The following ANOS1 variants were observed in gnomAD, a reference collection of about 807,000 sequenced individuals.
The protein encoded by ANOS1 is anosmin-1.
Under a neutral mutation model 59.0 loss-of-function variants are expected in ANOS1, and 6 were observed. The ratio of observed to expected loss-of-function variants is 0.10; its 90% confidence interval spans 0.06 to 0.20. The LOEUF (loss-of-function observed/expected upper bound fraction) is 0.20. ANOS1 is among the 10% of genes least tolerant of loss of function. The probability of loss-of-function intolerance (pLI) is 1.00; values close to 1 mark genes in which losing one functional copy is unlikely to be tolerated. For synonymous variants in ANOS1, 217 were observed against 223.4 expected (o/e 0.97, Z 0.25); for missense variants, 433 against 542.3 (o/e 0.80, Z 2.00).
At chrX:8,553,131 AAAGAT>A (rs1208045829) in intron 9 of ANOS1, among the ~76,000 whole-genome samples, 6 of 110,273 alleles carry the variant, frequency 5.4e-5, no homozygotes, top group South Asian at 7.6e-4. Flanking sequence ...TAAGAGTGAT[AAAGAT>A]AAAAGACTGT....
rs757532758 is a variant in ANOS1, at chrX:8,682,354, C to CCACACA, written c.255+17338_255+17343dup. ...CTTTTTTCGGAAAACGAGAATTTCA[C>CCACACA]CACACACACACACACACACACACAT... On this transcript the variant is annotated intron_variant, in intron 2 of 13. Coordinates refer to ENST00000262648, the MANE Select transcript of ANOS1 (RefSeq NM_000216.4). Among the ~76,000 whole-genome samples, 619 of 101,617 alleles carry CCACACA rather than the reference C, an allele frequency of 6.1e-3. 5 individuals are homozygous for CCACACA. The highest frequency in any genetic ancestry group is 0.021 in the African/African-American group (585 of 27,309). The allele number at this position is 101,617 out of a possible 115,157, so 88.2% of individuals were successfully genotyped here.
At chrX:8,587,606 G>A (rs1930540461) in intron 5 of ANOS1, among the ~76,000 whole-genome samples, 188 bp downstream of exon 5, 1 of 111,619 alleles carries the variant, frequency 9.0e-6, no homozygotes, top group Non-Finnish European at 1.9e-5. Flanking sequence ...TCGAGTTTCC[G>A]AGCACATTCG....
chrX:8,625,066 G>A (rs1931368754), intron 2 of ANOS1, among the ~76,000 whole-genome samples: 1 of 110,406 alleles, frequency 9.1e-6, no homozygotes, highest in Non-Finnish European at 1.9e-5. Context: ...CCGAGATCGG[G>A]CCACTGCACT....
chrX:8,676,541 T>C (rs1932340230), intron 2 of ANOS1, among the ~76,000 whole-genome samples: 1 of 111,930 alleles, frequency 8.9e-6, no homozygotes, highest in Admixed American at 9.5e-5. Flanking sequence ...TAATGAGATG[T>C]CCCCATAAAA....
intron 4 of ANOS1, among the ~76,000 whole-genome samples, chrX:8,594,966 T>C (rs1930708040): frequency 9.3e-6 from 1 of 107,436 alleles, no homozygotes; most frequent in African/African-American, 3.4e-5. Context: ...CCTGGTTTCG[T>C]TAAACGTAGT....
intron 2 of ANOS1, among the ~76,000 whole-genome samples, chrX:8,698,637 C>G: frequency 9.0e-6 from 1 of 111,375 alleles, no homozygotes. Context: ...GTAAGTGGAC[C>G]GTAACCAGGC....
rs146645473 is a variant in ANOS1 at position 8,570,371 on chromosome X, G to A, written c.1062+128C>T. 8,970 of 590,761 alleles carry A rather than the reference G, an allele frequency of 0.015. 78 individuals are homozygous for A. Among genetic ancestry groups the A allele is most frequent in the Non-Finnish European group, 0.018 (6,254 of 351,902 alleles). 48.7% of individuals were successfully genotyped at this position (590,761 alleles called of 1,213,427 possible). A position where few individuals can be genotyped will look rare whatever the true frequency, so the allele number is the denominator to read the frequency against. ...TTCTGTGAACTTCCTCGGTAGAAAT[G>A]AATGGGAGGGAAGCTTTCCTGCATC... On this transcript the variant is annotated intron_variant, in intron 7 of 13. Coordinates refer to ENST00000262648, the MANE Select transcript of ANOS1 (RefSeq NM_000216.4).
chrX:8,728,863 G>A (rs749165621), intron 1 of ANOS1, among the ~76,000 whole-genome samples: 3 of 111,722 alleles, frequency 2.7e-5, no homozygotes, highest in Non-Finnish European at 3.8e-5. Context: ...TGAGTCCCTT[G>A]TGTTTTTGGG....
chrX:8,546,698 A>G (rs1601948738), intron 9 of ANOS1, among the ~76,000 whole-genome samples: 1 of 111,862 alleles, frequency 8.9e-6, no homozygotes, highest in African/African-American at 3.3e-5. Flanking sequence ...AGTTATCTCA[A>G]ATTCGACACA....
At chrX:8,560,980 T>C (rs1460956660) in intron 8 of ANOS1, among the ~76,000 whole-genome samples, 1 of 112,306 alleles carries the variant, frequency 8.9e-6, no homozygotes, top group African/African-American at 3.2e-5. Flanking sequence ...CTATAAACAA[T>C]GTGTTATCGA....
intron 2 of ANOS1, among the ~76,000 whole-genome samples, chrX:8,664,129 C>T (rs1486656080): frequency 8.9e-6 from 1 of 112,036 alleles, no homozygotes; most frequent in Admixed American, 9.4e-5. Flanking sequence ...CATCATGGCA[C>T]ATGTTTACCT....
chrX:8,649,736 C>T (rs1428959456), intron 2 of ANOS1, among the ~76,000 whole-genome samples: 1 of 111,600 alleles, frequency 9.0e-6, no homozygotes, highest in Non-Finnish European at 1.9e-5. Flanking sequence ...CAAATTTTGC[C>T]TGCATAAAAT....
rs752945587 is a variant in ANOS1 at position 8,717,487 on chromosome X, A to G, written c.207+14343T>C. 1.4e-3 allele frequency among the ~76,000 whole-genome samples: 160 copies of G among 111,654 alleles called. 1 individual carries two copies. The highest frequency in any genetic ancestry group is 4.1e-3 in the Admixed American group (43 of 10,473). On this transcript the variant is annotated intron_variant, in intron 1 of 13. Transcript: ENST00000262648. ...GGATACAAAAATGTGGAAACAACAA[A>G]AACAACCAAAAGATGTTCTCTACTT...
intron 1 of ANOS1, among the ~76,000 whole-genome samples, chrX:8,703,938 C>G (rs1932768495): frequency 2.7e-5 from 3 of 111,640 alleles, no homozygotes; most frequent in Admixed American, 9.5e-5. Context: ...GTGTTCCCAC[C>G]CAAATCTCAT....
At position 8,532,917 on chromosome X, in the gene ANOS1, T is replaced by C. The variant is rs1210118317; in HGVS notation, c.*78A>G. On this transcript the variant is annotated 3_prime_UTR_variant, in exon 14 of 14. Transcript: ENST00000262648. ...GCCTCTGAGCAGTTCCCACTGCCTCTGGAAGTGTGCATGTCTCGTGGCCGA... is the reference window on the plus strand; with the variant it reads ...GCCTCTGAGCAGTTCCCACTGCCTCCGGAAGTGTGCATGTCTCGTGGCCGA... The C allele has an allele frequency of 1.6e-6, 1 of 632,764 alleles. No homozygotes were observed. Among genetic ancestry groups the C allele is most frequent in the African/African-American group, 2.2e-5 (1 of 46,003 alleles). 52.1% of individuals were successfully genotyped at this position (632,764 alleles called of 1,213,427 possible).
intron 2 of ANOS1, among the ~76,000 whole-genome samples, chrX:8,684,988 C>T (rs750556956): frequency 4.5e-5 from 5 of 110,512 alleles, no homozygotes; most frequent in Non-Finnish European, 7.5e-5. Flanking sequence ...GCAGGCAGCT[C>T]AACTCTTAAA....
chrX:8,557,221 C>T (rs1929963545), intron 8 of ANOS1, among the ~76,000 whole-genome samples: 1 of 112,124 alleles, frequency 8.9e-6, no homozygotes, highest in South Asian at 3.7e-4. Flanking sequence ...CATAAAAACA[C>T]TAGAAGAAAA....
chrX:8,632,552 A>G (rs1320272726), intron 2 of ANOS1, among the ~76,000 whole-genome samples: 2 of 111,903 alleles, frequency 1.8e-5, no homozygotes, highest in African/African-American at 6.5e-5. Context: ...TTAAAGTGCC[A>G]CATTTCTTGC....
intron 2 of ANOS1, among the ~76,000 whole-genome samples, chrX:8,674,017 T>A (rs1488700086): frequency 9.0e-6 from 1 of 111,600 alleles, no homozygotes; most frequent in African/African-American, 3.3e-5. Context: ...AAACACTCAC[T>A]CTGTCATCAT....
Sources: allele counts gnomAD v4.1 joint callset (sites outside exome capture counted in the v4.1 genomes callset), GRCh38; gene constraint gnomAD v4.1.1; transcripts MANE v1.5; gene names NCBI Gene and HGNC (gene_info 2026-07-23, HGNC 2026-07-21).